The following CACNA2D1 variants were observed in gnomAD, a reference collection of about 807,000 sequenced individuals.
CACNA2D1 encodes the protein calcium voltage-gated channel auxiliary subunit alpha2delta 1.
In CACNA2D1, 53 loss-of-function variants were observed where a neutral mutation model predicts 171.5. The observed-to-expected ratio is 0.31, with a 90% CI of 0.25 to 0.39. The LOEUF is 0.39. Among genes scored for constraint, CACNA2D1 ranks in the 10% least tolerant of loss-of-function variants. CACNA2D1 has a pLI of 1.00. For missense variants in CACNA2D1, 903 were observed against 1,299.8 expected, an observed-to-expected ratio of 0.69 and a Z score of 4.69; for synonymous variants, 442 against 443.1, an observed-to-expected ratio of 1.00 and a Z score of 0.03.
chr7:82,272,104 AT>A (rs945983013), intron 3 of CACNA2D1, among the ~76,000 whole-genome samples: 7 of 152,256 alleles, frequency 4.6e-5, no homozygotes, highest in African/African-American at 9.6e-5. Flanking sequence ...CTTCTGACAG[AT>A]TTTTTTCTCT....
At position 82,205,599 on chromosome 7, in the gene CACNA2D1, C is replaced by T. The variant is rs186035620; in HGVS notation, c.295-34990G>A. Reference sequence around the variant, plus strand: ...CACACACATATTTGCTATATTTTCCCGTCAAAAATGGTTACAATCCAAATA... The same window carrying T: ...CACACACATATTTGCTATATTTTCCTGTCAAAAATGGTTACAATCCAAATA... On this transcript the variant is annotated intron_variant, in intron 3 of 38. Transcript: ENST00000356860. Among the ~76,000 whole-genome samples the T allele has an allele frequency of 7.9e-5, 12 of 152,128 alleles. No individual in the cohort carries two copies. The East Asian group carries it at 1.5e-3, about 20-fold the overall frequency.
chr7:82,144,312 AAAGTTT>A (rs1469117693), intron 4 of CACNA2D1, among the ~76,000 whole-genome samples: 10 of 152,094 alleles, frequency 6.6e-5, no homozygotes, highest in African/African-American at 2.2e-4. Context: ...TTATTTGCTT[AAAGTTT>A]AATTTTTATT....
At chr7:82,333,276 G>T (rs557574615) in intron 3 of CACNA2D1, among the ~76,000 whole-genome samples, 1 of 152,050 alleles carries the variant, frequency 6.6e-6, no homozygotes, top group Non-Finnish European at 1.5e-5. Context: ...AAAGGTAAAA[G>T]TTTAAGAATA....
At chr7:82,137,074 A>G (rs948564548) in intron 4 of CACNA2D1, among the ~76,000 whole-genome samples, 5 of 152,220 alleles carry the variant, frequency 3.3e-5, no homozygotes, top group Non-Finnish European at 7.4e-5. Context: ...ATACATACAC[A>G]GAGTGTTGAA....
chr7:82,119,890 C>A (rs1789510877), intron 5 of CACNA2D1, among the ~76,000 whole-genome samples: 1 of 152,070 alleles, frequency 6.6e-6, no homozygotes, highest in Admixed American at 6.6e-5. Context: ...GGAGTTAGAT[C>A]AACAGTCTTG....
At chr7:82,333,431 G>C (rs572865107) in intron 3 of CACNA2D1, among the ~76,000 whole-genome samples, 2 of 152,162 alleles carry the variant, frequency 1.3e-5, no homozygotes, top group African/African-American at 4.8e-5. Flanking sequence ...ACATGGCTGG[G>C]AAGGCCTCAC....
intron 4 of CACNA2D1, among the ~76,000 whole-genome samples, chr7:82,162,333 G>T (rs1270193785): frequency 6.6e-6 from 1 of 151,870 alleles, no homozygotes; most frequent in Non-Finnish European, 1.5e-5. Flanking sequence ...GAGCTAGTAT[G>T]TATGTGGATG....
chr7:82,138,600 C>A (rs1791990879), intron 4 of CACNA2D1, among the ~76,000 whole-genome samples: 1 of 151,802 alleles, frequency 6.6e-6, no homozygotes, highest in African/African-American at 2.4e-5. Flanking sequence ...GCGCCCGCCA[C>A]CATGCCCCGC....
chr7:82,222,559 G>C (rs1411670827), intron 3 of CACNA2D1, among the ~76,000 whole-genome samples: 2 of 152,130 alleles, frequency 1.3e-5, no homozygotes, highest in Non-Finnish European at 2.9e-5. Context: ...CTTCCTAATT[G>C]TAACAGAAGA....
intron 15 of CACNA2D1, 118 bp downstream of exon 15, chr7:82,012,036 A>T: frequency 1.4e-6 from 1 of 730,222 alleles, no homozygotes; most frequent in Non-Finnish European, 2.5e-6. Flanking sequence ...TCTGTGATAG[A>T]AGAAATTTTG....
intron 9 of CACNA2D1, among the ~76,000 whole-genome samples, chr7:82,061,475 C>T (rs1806903838): frequency 6.6e-6 from 1 of 152,118 alleles, no homozygotes; most frequent in South Asian, 2.1e-4. Context: ...CACATCCTGA[C>T]CTAATATTTT....
intron 12 of CACNA2D1, among the ~76,000 whole-genome samples, chr7:82,018,951 CTCTG>C (rs745667549): frequency 1.1e-4 from 14 of 127,914 alleles, no homozygotes; most frequent in Non-Finnish European, 1.7e-4. Flanking sequence ...CACCACTGCA[CTCTG>C]TCTGGGCAAC....
intron 3 of CACNA2D1, among the ~76,000 whole-genome samples, chr7:82,237,008 T>C (rs1473374921): frequency 6.6e-6 from 1 of 151,972 alleles, no homozygotes; most frequent in Non-Finnish European, 1.5e-5. Context: ...CAATTATAAA[T>C]AAAAATATCC....
At chr7:82,188,167 C>T (rs1797956946) in intron 3 of CACNA2D1, among the ~76,000 whole-genome samples, 1 of 152,002 alleles carries the variant, frequency 6.6e-6, no homozygotes, top group Non-Finnish European at 1.5e-5. Context: ...AGTATCATTG[C>T]CTTGGGGATT....
chr7:81,977,456 T>C (rs183769650), intron 24 of CACNA2D1, among the ~76,000 whole-genome samples: 133 of 152,192 alleles, frequency 8.7e-4, no homozygotes, highest in African/African-American at 3.1e-3. Flanking sequence ...AACCATCTGA[T>C]TTTTGACAAA....
chr7:82,217,355 A>AT (rs1189341513), intron 3 of CACNA2D1, among the ~76,000 whole-genome samples: 12 of 131,176 alleles, frequency 9.1e-5, no homozygotes, highest in African/African-American at 3.2e-4. Flanking sequence ...TTTTTAAAAA[A>AT]AAAATATATA....
At chr7:81,998,763 C>T (rs1315431695) in intron 18 of CACNA2D1, among the ~76,000 whole-genome samples, 55 of 152,012 alleles carry the variant, frequency 3.6e-4, no homozygotes, top group Admixed American at 3.6e-3. Flanking sequence ...TGGTAAGATA[C>T]TGATGACATC....
At chr7:81,992,502 T>C (rs1797649070) in intron 20 of CACNA2D1, among the ~76,000 whole-genome samples, 1 of 152,034 alleles carries the variant, frequency 6.6e-6, no homozygotes. Context: ...ACTAGCAATA[T>C]TCTTAAAAGA....
chr7:82,308,060 C>T (rs1162070303), intron 3 of CACNA2D1, among the ~76,000 whole-genome samples: 1 of 152,226 alleles, frequency 6.6e-6, no homozygotes, highest in Non-Finnish European at 1.5e-5. Flanking sequence ...TTCAGTCCCT[C>T]TGTTGACTTC....
Sources: allele counts gnomAD v4.1 joint callset (sites outside exome capture counted in the v4.1 genomes callset), GRCh38; gene constraint gnomAD v4.1.1; transcripts MANE v1.5; gene names NCBI Gene and HGNC (gene_info 2026-07-23, HGNC 2026-07-21).